Variants in MBTD1 observed in about 807,000 individuals in gnomAD.
The protein encoded by MBTD1 is mbt domain containing 1.
In MBTD1, 24 loss-of-function variants were observed where a neutral mutation model predicts 87.8. The observed-to-expected ratio is 0.27, with a 90% CI of 0.20 to 0.38. The LOEUF is 0.38. MBTD1 is among the 10% of genes least tolerant of loss of function. The pLI is 1.00. For missense variants in MBTD1, 436 were observed against 760.2 expected, an observed-to-expected ratio of 0.57 and a Z score of 5.02; for synonymous variants, 237 against 248.6, an observed-to-expected ratio of 0.95 and a Z score of 0.44.
intron 12 of MBTD1, 41 bp downstream of exon 12, chr17:51,201,551 C>G (rs1179702007): frequency 4.5e-6 from 6 of 1,320,582 alleles, no homozygotes; most frequent in Non-Finnish European, 6.4e-6. Flanking sequence ...ATACCCAAAT[C>G]CTATAATTGC....
rs981379788 is a variant in MBTD1 at position 51,179,329 on chromosome 17, T to C, written c.*1247A>G. ...CATTCAGTCACAACTCAGTAGAAAG[T>C]TAGAAAATGCAGAGAGCAAACCTTT... On this transcript the variant is annotated 3_prime_UTR_variant, in exon 17 of 17. Transcript: ENST00000586178. 4 of 150,274 alleles carry C rather than the reference T, an allele frequency of 2.7e-5. No individual in the cohort carries two copies. The allele number at this position is 150,274 out of a possible 1,614,324, so 9.3% of individuals were successfully genotyped here.
intron 6 of MBTD1, among the ~76,000 whole-genome samples, chr17:51,216,936 CATACCTGTAA>C (rs1476802332): frequency 1.6e-4 from 24 of 152,168 alleles, no homozygotes; most frequent in African/African-American, 5.5e-4. Context: ...TATGGTGGCT[CATACCTGTAA>C]TCCCAGCATT....
At chr17:51,249,324 T>C (rs1036043716) in intron 2 of MBTD1, among the ~76,000 whole-genome samples, 4 of 152,190 alleles carry the variant, frequency 2.6e-5, no homozygotes, top group Non-Finnish European at 4.4e-5. Context: ...TTAGATCTTT[T>C]ATATCCTTTT....
rs866445692 is a variant in MBTD1, at chr17:51,179,508, A to T, written c.*1068T>A. The T allele has an allele frequency of 4.8e-3, 402 of 83,560 alleles. 14 individuals carry two copies. The highest frequency in any genetic ancestry group is 9.9e-3 in the South Asian group (26 of 2,618). 5.2% of individuals were successfully genotyped at this position (83,560 alleles called of 1,614,324 possible). A position where few individuals can be genotyped will look rare whatever the true frequency, so the allele number is the denominator to read the frequency against. ...TTTATATATATATATATATATATAT[A>T]TATATATATATATATATATATATAT... On this transcript the variant is annotated 3_prime_UTR_variant, in exon 17 of 17. Coordinates refer to ENST00000586178, the MANE Select transcript of MBTD1 (RefSeq NM_017643.3).
chr17:51,192,749 A>G, intron 15 of MBTD1, 33 bp downstream of exon 15: 2 of 1,609,246 alleles, frequency 1.2e-6, no homozygotes, highest in Non-Finnish European at 1.7e-6. Flanking sequence ...GCTGATTTTT[A>G]CAAAAGGACA....
chr17:51,217,848 C>A (rs1205566897), intron 5 of MBTD1, among the ~76,000 whole-genome samples: 2 of 152,154 alleles, frequency 1.3e-5, no homozygotes, highest in Non-Finnish European at 2.9e-5. Flanking sequence ...ACCTCGTGAT[C>A]CACCTGTCTT....
At chr17:51,213,547 TAA>T (rs879349727) in intron 6 of MBTD1, among the ~76,000 whole-genome samples, 8 of 138,784 alleles carry the variant, frequency 5.8e-5, no homozygotes, top group Admixed American at 1.4e-4. Context: ...AAAAGCACAT[TAA>T]AAAAAAAAAA....
At chr17:51,224,913 A>G in intron 3 of MBTD1, 95 bp downstream of exon 3, 3 of 737,662 alleles carry the variant, frequency 4.1e-6, no homozygotes, top group Admixed American at 3.9e-5. Flanking sequence ...CTGCCCCTTA[A>G]TAATTCTAAG....
At chr17:51,201,110 CAG>C (rs1231742683) in intron 12 of MBTD1, among the ~76,000 whole-genome samples, 3 of 151,940 alleles carry the variant, frequency 2.0e-5, no homozygotes, top group Non-Finnish European at 4.4e-5. Flanking sequence ...ACCTAGGCGA[CAG>C]AGAGAGACTG....
chr17:51,253,988 G>A (rs2054938899), intron 2 of MBTD1, among the ~76,000 whole-genome samples: 1 of 152,138 alleles, frequency 6.6e-6, no homozygotes, highest in African/African-American at 2.4e-5. Context: ...ATTTCAATAT[G>A]AGTAAACTCA....
chr17:51,217,190 T>G, intron 6 of MBTD1, 144 bp downstream of exon 6: 1 of 512,448 alleles, frequency 2.0e-6, no homozygotes, highest in Non-Finnish European at 3.4e-6. Context: ...TAACTATTAT[T>G]AAGTATAATA....
chr17:51,225,100 C>G lies in MBTD1; in HGVS notation c.62G>C (p.Ser21Thr), dbSNP rs1388551113. ...DTSSSSSSEE[S>T]EEEVAPLPSN... ...AGGTAAAGGAGCGACTTCTTCCTCACTCTCTTCGGAGCTGGAGCTGCTGCT... is the reference window on the plus strand; with the variant it reads ...AGGTAAAGGAGCGACTTCTTCCTCAGTCTCTTCGGAGCTGGAGCTGCTGCT... Residue 21 changes from serine to threonine, a missense_variant, in exon 3 of 17, where the codon AGT becomes ACT. By Grantham distance (58) the Ser-to-Thr change is moderately conservative (BLOSUM62 1). Coordinates refer to ENST00000586178, the MANE Select transcript of MBTD1 (RefSeq NM_017643.3). 2 of 1,551,644 alleles carry G rather than the reference C, an allele frequency of 1.3e-6. No individual in the cohort carries two copies. The highest frequency in any genetic ancestry group is 1.7e-6 in the Non-Finnish European group (2 of 1,146,890).
At chr17:51,236,131 TATAG>T (rs1274124036) in intron 2 of MBTD1, among the ~76,000 whole-genome samples, 1 of 152,326 alleles carries the variant, frequency 6.6e-6, no homozygotes, top group East Asian at 1.9e-4. Flanking sequence ...TCAATATCTA[TATAG>T]ATATCTACAG....
chr17:51,197,878 C>A (rs1457503229), intron 12 of MBTD1, among the ~76,000 whole-genome samples: 1 of 152,196 alleles, frequency 6.6e-6, no homozygotes, highest in Non-Finnish European at 1.5e-5. Context: ...ATCTTCTCAT[C>A]TCTCTGATCA....
At chr17:51,233,165 A>C (rs753482710) in intron 2 of MBTD1, among the ~76,000 whole-genome samples, 2 of 152,008 alleles carry the variant, frequency 1.3e-5, no homozygotes, top group Non-Finnish European at 2.9e-5. Context: ...ATCCACATCT[A>C]AACAGACCAT....
chr17:51,211,504 T>TTA (rs1555684659), intron 6 of MBTD1, among the ~76,000 whole-genome samples: 2 of 135,230 alleles, frequency 1.5e-5, no homozygotes, highest in Non-Finnish European at 1.6e-5. Context: ...TGAGACTGTT[T>TTA]AAAAAAAAAA....
intron 2 of MBTD1, among the ~76,000 whole-genome samples, chr17:51,248,189 T>C (rs1174970462): frequency 6.6e-6 from 1 of 152,240 alleles, no homozygotes; most frequent in Non-Finnish European, 1.5e-5. Flanking sequence ...GATTGGTTCA[T>C]CAACTAGACG....
In MBTD1 at chr17:51,201,708, T is replaced by C. The variant is rs2051501258; in HGVS notation, c.1120-12A>G. 3 of 1,461,804 alleles carry C rather than the reference T, an allele frequency of 2.1e-6. No homozygotes were observed. Among genetic ancestry groups the C allele is most frequent in the Non-Finnish European group, 2.9e-6 (3 of 1,045,940 alleles). The allele number at this position is 1,461,804 out of a possible 1,614,324, so 90.6% of individuals were successfully genotyped here. A position where few individuals can be genotyped will look rare whatever the true frequency, so the allele number is the denominator to read the frequency against. On this transcript the variant is annotated splice_polypyrimidine_tract_variant and intron_variant, in intron 11 of 16. Coordinates refer to ENST00000586178, the MANE Select transcript of MBTD1 (RefSeq NM_017643.3). Reference sequence around the variant, plus strand: ...TCTACTTCTTTTACCTAAAGAATTATATGAAAGCACATCTACTGTTACAAA... The same window carrying C: ...TCTACTTCTTTTACCTAAAGAATTACATGAAAGCACATCTACTGTTACAAA...
intron 2 of MBTD1, chr17:51,251,478 C>T (rs895175655): frequency 2.6e-5 from 4 of 152,214 alleles, no homozygotes; most frequent in Non-Finnish European, 5.9e-5. Context: ...AACTATCAAA[C>T]TCCAAACCTA....
Sources: gnomAD v4.1 joint callset for allele counts (sites outside exome capture counted in the v4.1 genomes callset) on GRCh38, gnomAD v4.1.1 for gene constraint, MANE v1.5 for transcripts, NCBI Gene and HGNC (gene_info 2026-07-23, HGNC 2026-07-21) for gene names.